SLC35D4: variants seen among roughly 807,000 people sequenced by gnomAD.
SLC35D4 encodes the protein UDP-N-acetylglucosamine transporter SLC35D4.
the SLC35D4 span, among the ~76,000 whole-genome samples, chr18:23,261,775 T>C: frequency 6.6e-6 from 1 of 152,368 alleles, no homozygotes; most frequent in Admixed American, 6.5e-5. Flanking sequence ...TGATTCAGCC[T>C]AGCATCTCCA....
the SLC35D4 span, among the ~76,000 whole-genome samples, chr18:23,255,207 C>T: frequency 5.9e-5 from 9 of 152,206 alleles, no homozygotes; most frequent in Admixed American, 5.2e-4. Flanking sequence ...AAAGGGGTCA[C>T]TGTGGAGGAT....
chr18:23,412,036 G>A, the SLC35D4 span, among the ~76,000 whole-genome samples: 1 of 152,172 alleles, frequency 6.6e-6, no homozygotes, highest in South Asian at 2.1e-4. Flanking sequence ...AAAACAGCAA[G>A]AGGCCAGGCA....
At chr18:23,336,206 C>T in the SLC35D4 span, among the ~76,000 whole-genome samples, 7 of 152,206 alleles carry the variant, frequency 4.6e-5, no homozygotes, top group African/African-American at 1.2e-4. Context: ...TCCCCTCCCA[C>T]GTTCCCTGCA....
the SLC35D4 span, among the ~76,000 whole-genome samples, chr18:23,405,726 G>C: frequency 6.6e-6 from 1 of 152,122 alleles, no homozygotes; most frequent in Non-Finnish European, 1.5e-5. Context: ...GAGAGAGAAA[G>C]CCTGTTGCAA....
the SLC35D4 span, among the ~76,000 whole-genome samples, chr18:23,402,237 T>C: frequency 4.6e-5 from 7 of 152,126 alleles, no homozygotes; most frequent in Non-Finnish European, 8.8e-5. Flanking sequence ...AAAACAGGTG[T>C]GGGCAAGGCA....
the SLC35D4 span, among the ~76,000 whole-genome samples, chr18:23,272,653 C>A: frequency 6.6e-6 from 1 of 151,988 alleles, no homozygotes; most frequent in Non-Finnish European, 1.5e-5. Flanking sequence ...AACCTTTTAT[C>A]CTCGCACTCA....
chr18:23,375,163 A>G, the SLC35D4 span, among the ~76,000 whole-genome samples: 1 of 151,258 alleles, frequency 6.6e-6, no homozygotes, highest in African/African-American at 2.4e-5. Flanking sequence ...AATAATAATA[A>G]TATTGTGGCC....
the SLC35D4 span, among the ~76,000 whole-genome samples, chr18:23,411,290 G>T: frequency 5.7e-5 from 8 of 141,586 alleles, no homozygotes; most frequent in Non-Finnish European, 9.3e-5. Flanking sequence ...AGAGAAGGGA[G>T]GGGAAAGGGA....
the SLC35D4 span, among the ~76,000 whole-genome samples, chr18:23,335,005 A>G: frequency 7.0e-6 from 1 of 142,954 alleles, no homozygotes; most frequent in Non-Finnish European, 1.5e-5. Context: ...ACTCTGTCTC[A>G]AAAAAAAAAA....
the SLC35D4 span, among the ~76,000 whole-genome samples, chr18:23,375,700 T>C: frequency 6.6e-6 from 1 of 152,334 alleles, no homozygotes; most frequent in African/African-American, 2.4e-5. Flanking sequence ...GGGAACTGGG[T>C]ACACAGGACT....
At chr18:23,320,973 T>C in the SLC35D4 span, among the ~76,000 whole-genome samples, 1 of 152,186 alleles carries the variant, frequency 6.6e-6, no homozygotes. Flanking sequence ...AAATGCCTCA[T>C]GGGAAAAACT....
the SLC35D4 span, among the ~76,000 whole-genome samples, chr18:23,348,851 G>A: frequency 5.3e-5 from 8 of 152,046 alleles, no homozygotes; most frequent in Non-Finnish European, 7.4e-5. Context: ...ATGTAATTAC[G>A]GATATGGCTG....
the SLC35D4 span, among the ~76,000 whole-genome samples, chr18:23,264,968 C>G: frequency 6.6e-6 from 1 of 152,172 alleles, no homozygotes; most frequent in Non-Finnish European, 1.5e-5. Context: ...AACCAGATCT[C>G]GTGAGGATTC....
the SLC35D4 span, among the ~76,000 whole-genome samples, chr18:23,341,865 C>T: frequency 4.6e-5 from 7 of 152,126 alleles, no homozygotes; most frequent in Admixed American, 4.6e-4. Context: ...AAAATCCTCC[C>T]TCTTCTGAAT....
At chr18:23,352,500 T>G in the SLC35D4 span, among the ~76,000 whole-genome samples, 1 of 152,106 alleles carries the variant, frequency 6.6e-6, no homozygotes, top group Non-Finnish European at 1.5e-5. Flanking sequence ...GTGGGAGAAT[T>G]TTGATTAGAG....
chr18:23,250,774 GA>G, the SLC35D4 span, among the ~76,000 whole-genome samples: 2 of 152,240 alleles, frequency 1.3e-5, no homozygotes, highest in African/African-American at 4.8e-5. Flanking sequence ...ATCAGAGGAG[GA>G]AGAAGTGGCA....
the SLC35D4 span, among the ~76,000 whole-genome samples, chr18:23,437,284 G>T: frequency 1.3e-5 from 2 of 152,204 alleles, no homozygotes; most frequent in African/African-American, 2.4e-5. Flanking sequence ...AAAAACTCCT[G>T]AAGTGCTTAC....
At chr18:23,385,583 A>C in the SLC35D4 span, among the ~76,000 whole-genome samples, 1 of 152,236 alleles carries the variant, frequency 6.6e-6, no homozygotes. Flanking sequence ...GAGCGGATCC[A>C]TCTTCTCCGG....
the SLC35D4 span, among the ~76,000 whole-genome samples, chr18:23,282,694 G>A: frequency 6.6e-6 from 1 of 152,182 alleles, no homozygotes; most frequent in African/African-American, 2.4e-5. Context: ...TGGGAGTGGG[G>A]GGCAATGCCC....
Sources: allele counts gnomAD v4.1 joint callset (sites outside exome capture counted in the v4.1 genomes callset), GRCh38; gene constraint gnomAD v4.1.1; transcripts MANE v1.5; gene names NCBI Gene and HGNC (gene_info 2026-07-23, HGNC 2026-07-21).